The following TLK2 variants were observed in gnomAD, a reference collection of about 807,000 sequenced individuals.
TLK2 encodes serine/threonine-protein kinase tousled-like 2.
TLK2 carries 6 observed loss-of-function variants against 117.3 expected under a neutral mutation model. The ratio of observed to expected loss-of-function variants is 0.05; its 90% confidence interval spans 0.03 to 0.10. The LOEUF is 0.10. Ranked by LOEUF, TLK2 falls within the 10% of genes least tolerant of loss-of-function variation. The probability of loss-of-function intolerance (pLI) is 1.00; values close to 1 mark genes in which losing one functional copy is unlikely to be tolerated. For synonymous variants in TLK2, 257 were observed against 316.7 expected (o/e 0.81, Z 2.00); for missense variants, 299 against 901.2 (o/e 0.33, Z 8.56).
intron 2 of TLK2, among the ~76,000 whole-genome samples, chr17:62,516,070 G>A (rs1434995117): frequency 4.0e-5 from 6 of 151,682 alleles, no homozygotes; most frequent in Admixed American, 6.6e-5. Flanking sequence ...AATTACAGGC[G>A]CCCGCCACCA....
chr17:62,581,948 CAT>C (rs569890926), intron 15 of TLK2, among the ~76,000 whole-genome samples: 207 of 152,176 alleles, frequency 1.4e-3, no homozygotes, highest in African/African-American at 4.7e-3. Flanking sequence ...AGAGTTGACT[CAT>C]AAAAATTCTT....
At chr17:62,586,587 T>C (rs1161705491) in intron 16 of TLK2, among the ~76,000 whole-genome samples, 1 of 152,086 alleles carries the variant, frequency 6.6e-6, no homozygotes, top group Non-Finnish European at 1.5e-5. Flanking sequence ...TTTGGGAGGC[T>C]GAGGCAGGCA....
chr17:62,546,344 G>GTTTTTTTTTTTTTTTTTTT (rs61100480), intron 7 of TLK2, among the ~76,000 whole-genome samples: 420 of 23,322 alleles, frequency 0.018, 175 homozygotes, highest in East Asian at 0.088. Context: ...TTTGTTGATT[G>GTTTTTTTTTTTTTTTTTTT]TTTTTTTTTT....
At chr17:62,583,367 T>A (rs1259911202) in intron 15 of TLK2, among the ~76,000 whole-genome samples, 1 of 152,148 alleles carries the variant, frequency 6.6e-6, no homozygotes, top group Admixed American at 6.6e-5. Flanking sequence ...AGTGCTGGGA[T>A]TATAGGCACA....
intron 2 of TLK2, among the ~76,000 whole-genome samples, chr17:62,497,984 C>T (rs1284102249): frequency 6.6e-5 from 10 of 152,212 alleles, no homozygotes; most frequent in Non-Finnish European, 1.2e-4. Flanking sequence ...GTGTGAGCCA[C>T]CGTGCCCAGC....
At chr17:62,492,685 G>C (rs1396607072) in intron 2 of TLK2, among the ~76,000 whole-genome samples, 1 of 151,864 alleles carries the variant, frequency 6.6e-6, no homozygotes, top group Non-Finnish European at 1.5e-5. Context: ...TTGAACTCCT[G>C]ACCTCTCAGG....
At chr17:62,535,778 A>AAAAAAAG (rs544095968) in intron 6 of TLK2, among the ~76,000 whole-genome samples, 2 of 151,358 alleles carry the variant, frequency 1.3e-5, no homozygotes, top group South Asian at 2.2e-4. Flanking sequence ...CCATCTCAAA[A>AAAAAAAG]AAAAAAGAAA....
At chr17:62,502,407 GGC>G (rs2074278184) in intron 2 of TLK2, among the ~76,000 whole-genome samples, 1 of 152,070 alleles carries the variant, frequency 6.6e-6, no homozygotes, top group Non-Finnish European at 1.5e-5. Context: ...TCTGATAAAA[GGC>G]ATTTATGAAA....
At chr17:62,608,507 G>A (rs1257547493) in intron 21 of TLK2, among the ~76,000 whole-genome samples, 1 of 152,198 alleles carries the variant, frequency 6.6e-6, no homozygotes, top group East Asian at 1.9e-4. Context: ...AATTTGGGGA[G>A]CTAATGCCCA....
intron 7 of TLK2, chr17:62,550,588 G>A (rs1567901169): frequency 1.3e-5 from 2 of 152,100 alleles, no homozygotes; most frequent in African/African-American, 2.4e-5. Context: ...CATTAAAATG[G>A]CGTTAATAAT....
Position 62,581,115 on chromosome 17 carries a change from C to T in TLK2, c.1368+923C>T, listed in dbSNP as rs1356134374. ...GCAGCCTCAAACTGCTGGGCACAAG[C>T]AAGCCTCCTGCCTCAACCTCTTGAG... On this transcript the variant is annotated intron_variant, in intron 15 of 21. Transcript: ENST00000346027. 4.6e-5 allele frequency among the ~76,000 whole-genome samples: 7 copies of T among 152,186 alleles called. No individual in the cohort carries two copies. In the South Asian group the frequency reaches 6.2e-4, roughly 14 times the overall value.
At chr17:62,525,989 C>A (rs1172840636) in intron 6 of TLK2, among the ~76,000 whole-genome samples, 2 of 152,074 alleles carry the variant, frequency 1.3e-5, no homozygotes, top group Non-Finnish European at 2.9e-5. Flanking sequence ...ATGCCTTTTT[C>A]ATTTGGTTTT....
At chr17:62,586,368 C>T (rs2081605227) in intron 16 of TLK2, 142 bp downstream of exon 16, 1 of 625,554 alleles carries the variant, frequency 1.6e-6, no homozygotes, top group African/African-American at 1.8e-5. Flanking sequence ...AATACATTCT[C>T]AGTGTTACGA....
rs1308985187 is a variant in TLK2 at position 62,502,028 on chromosome 17, AATTTTT to A, written c.82-18744_82-18739del. On this transcript the variant is annotated intron_variant, in intron 2 of 21. Transcript: ENST00000346027. The stretch of plus-strand genomic sequence containing the variant: ...ATCAAACATTTAAGGAAAAAATACC[AATTTTT>A]TTTTTTTTTTTTACAAATTTCACAA... Among the ~76,000 whole-genome samples the A allele has an allele frequency of 5.4e-4, 72 of 134,304 alleles. 1 individual carries two copies. The highest frequency in any genetic ancestry group is 5.3e-3 in the Admixed American group (69 of 13,060). 88.1% of individuals were successfully genotyped at this position (134,304 alleles called of 152,430 possible).
intron 20 of TLK2, among the ~76,000 whole-genome samples, chr17:62,607,324 C>T (rs1396119169): frequency 2.0e-5 from 3 of 151,018 alleles, no homozygotes; most frequent in Non-Finnish European, 4.4e-5. Flanking sequence ...TCGAGACCAT[C>T]CTGACTAACA....
chr17:62,548,236 A>ATGTGTGTGTGTGTGTG (rs759563217), intron 7 of TLK2, among the ~76,000 whole-genome samples: 8 of 31,186 alleles, frequency 2.6e-4, no homozygotes, highest in African/African-American at 3.8e-4. Flanking sequence ...CCATATATAT[A>ATGTGTGTGTGTGTGTG]TATATGTGTG....
intron 17 of TLK2, among the ~76,000 whole-genome samples, 178 bp downstream of exon 17, chr17:62,596,852 G>A (rs959520275): frequency 1.3e-5 from 2 of 152,190 alleles, no homozygotes; most frequent in Admixed American, 1.3e-4. Flanking sequence ...TAGGCCAAAG[G>A]ACATGTGCAC....
rs764035028 is a variant in TLK2 at position 62,608,168 on chromosome 17, T to C, written c.2079+20T>C. 2.2e-5 allele frequency: 35 copies of C among 1,598,146 alleles called. No homozygotes were observed. Among genetic ancestry groups the C allele is most frequent in the Admixed American group, 3.5e-5 (2 of 57,880 alleles). The stretch of plus-strand genomic sequence containing the variant: ...GCAAAGGTAAGTTTTGTTTGACCCA[T>C]TGGCCAACAGAAACGGCTGCTTTGC... On this transcript the variant is annotated intron_variant, in intron 21 of 21. Coordinates refer to ENST00000346027, the MANE Select transcript of TLK2 (RefSeq NM_006852.6).
Position 62,564,751 on chromosome 17 carries a change from C to T in TLK2, c.832-250C>T, listed in dbSNP as rs1156371809. On this transcript the variant is annotated intron_variant, in intron 10 of 21. Transcript: ENST00000346027. ...AAAACCAACCAAACAAACAAAAAAC[C>T]CCACACACACATAGGCAGATTGGGA... Among the ~76,000 whole-genome samples, 4 of 151,494 alleles carry T rather than the reference C, an allele frequency of 2.6e-5. No individual in the cohort carries two copies. In the East Asian group the frequency reaches 5.8e-4, roughly 22 times the overall value.
Sources: allele counts gnomAD v4.1 joint callset (sites outside exome capture counted in the v4.1 genomes callset), GRCh38; gene constraint gnomAD v4.1.1; transcripts MANE v1.5; gene names NCBI Gene and HGNC (gene_info 2026-07-23, HGNC 2026-07-21).